Variants in PRRG2 observed in about 807,000 individuals in gnomAD.
PRRG2 encodes transmembrane gamma-carboxyglutamic acid protein 2.
Under a neutral mutation model 27.1 loss-of-function variants are expected in PRRG2, and 23 were observed. That is an observed-to-expected ratio of 0.85 (90% confidence interval 0.61 to 1.20). The LOEUF (loss-of-function observed/expected upper bound fraction) is 1.20. Among genes scored for constraint, PRRG2 ranks in the 50% most tolerant of loss-of-function variants. The pLI, the probability that PRRG2 is intolerant of heterozygous loss-of-function variation, is 0.00. For synonymous variants in PRRG2, 104 were observed against 103.4 expected, an observed-to-expected ratio of 1.01 and a Z score of -0.03; for missense variants, 276 against 254.8, an observed-to-expected ratio of 1.08 and a Z score of -0.57.
chr19:49,587,856 T>G (rs1599777679), intron 4 of PRRG2, among the ~76,000 whole-genome samples: 1 of 152,088 alleles, frequency 6.6e-6, no homozygotes, highest in East Asian at 1.9e-4. Context: ...TGACCTCAAG[T>G]GATCTGCCTG....
chr19:49,588,628 C>G lies in PRRG2; in HGVS notation c.433C>G (p.Gln145Glu), dbSNP rs1217724481. The G allele has an allele frequency of 6.5e-7, 1 of 1,534,376 alleles. No homozygotes were observed. ...RQHRGQQPCP[Q>E]EAGLISPLSP... Reference sequence around the variant, plus strand: ...GCACCGAGGCCAGCAGCCCTGTCCCCAAGAGTAAGGGGGCTTCAGCGAGGA... The same window carrying G: ...GCACCGAGGCCAGCAGCCCTGTCCCGAAGAGTAAGGGGGCTTCAGCGAGGA... The change falls in exon 5 of 7, where the codon CAA (glutamine) becomes GAA (glutamate). Residue 145 changes from glutamine (Q) to glutamate (E), a missense_variant. Transcript: ENST00000246794.
rs537504971 is a variant in PRRG2 at position 49,590,316 on chromosome 19, G to C, written c.591-55G>C. On this transcript the variant is annotated intron_variant, in intron 6 of 6. Coordinates refer to ENST00000246794, the MANE Select transcript of PRRG2 (RefSeq NM_000951.3). ...GGCGGTCGGAGTGGTCCTGGTTGAA[G>C]GGGGGAGAAAAACAGCCAGATCTTT... is the stretch of plus-strand genomic sequence containing the variant. 6.4e-4 allele frequency: 1,036 copies of C among 1,613,122 alleles called. 8 individuals are homozygous for C. In the African/African-American group the frequency reaches 0.011, roughly 17 times the overall value.
At chr19:49,582,239 T>TAA (rs760309836) in intron 1 of PRRG2, among the ~76,000 whole-genome samples, 15,374 of 74,580 alleles carry the variant, frequency 0.21, 2,011 homozygotes, top group African/African-American at 0.33. Flanking sequence ...AGACTCTGTC[T>TAA]AAAAAAAAAA....
intron 5 of PRRG2, among the ~76,000 whole-genome samples, chr19:49,588,946 G>A (rs2080693027): frequency 6.6e-6 from 1 of 151,998 alleles, no homozygotes; most frequent in African/African-American, 2.4e-5. Context: ...AGGCTGCGAC[G>A]GTGCAGCCTG....
At chr19:49,589,215 C>T (rs1209739112) in intron 5 of PRRG2, among the ~76,000 whole-genome samples, 1 of 149,818 alleles carries the variant, frequency 6.7e-6, no homozygotes, top group Non-Finnish European at 1.5e-5. Context: ...GCAACCTCTG[C>T]CTCCCGGGTT....
In PRRG2 at chr19:49,590,286, C is replaced by G. The variant is rs576827504; in HGVS notation, c.591-85C>G. ...AGAGGGTCCTGGATTGGCTGAGACGCCAAGGGCGGTCGGAGTGGTCCTGGT... is the reference window on the plus strand; with the variant it reads ...AGAGGGTCCTGGATTGGCTGAGACGGCAAGGGCGGTCGGAGTGGTCCTGGT... On this transcript the variant is annotated intron_variant, in intron 6 of 6. Coordinates refer to ENST00000246794, the MANE Select transcript of PRRG2 (RefSeq NM_000951.3). 3.5e-3 allele frequency: 5,648 copies of G among 1,598,514 alleles called. 18 individuals carry two copies. The highest frequency in any genetic ancestry group is 5.8e-3 in the Middle Eastern group (35 of 6,030).
At chr19:49,587,533 TG>T (rs1599777460) in intron 4 of PRRG2, among the ~76,000 whole-genome samples, 1 of 149,494 alleles carries the variant, frequency 6.7e-6, no homozygotes, top group East Asian at 1.9e-4. Flanking sequence ...TTGCCCAGGC[TG>T]GAGTGCAATA....
intron 1 of PRRG2, 45 bp from the exon 2 acceptor site, chr19:49,583,162 C>G: frequency 6.6e-7 from 1 of 1,525,514 alleles, no homozygotes; most frequent in East Asian, 2.3e-5. Context: ...TGCCTCATTA[C>G]CCAGGGACTA....
intron 5 of PRRG2, 132 bp downstream of exon 5, chr19:49,588,764 A>G: frequency 8.4e-7 from 1 of 1,183,546 alleles, no homozygotes; most frequent in Non-Finnish European, 1.1e-6. Context: ...AGTCATTTGG[A>G]GAGTGAGTCT....
intron 1 of PRRG2, 32 bp from the exon 2 acceptor site, chr19:49,583,175 G>A (rs759376173): frequency 1.3e-6 from 2 of 1,571,626 alleles, no homozygotes; most frequent in Admixed American, 3.4e-5. Flanking sequence ...AGGGACTAAG[G>A]CCCTTGTCAG....
At chr19:49,584,110 T>G (rs1599774925) in intron 4 of PRRG2, among the ~76,000 whole-genome samples, 158 bp downstream of exon 4, 1 of 151,912 alleles carries the variant, frequency 6.6e-6, no homozygotes, top group East Asian at 1.9e-4. Flanking sequence ...TTCCCTCCCT[T>G]AAGACCCCAG....
rs1158975275 is a variant in PRRG2 at position 49,590,466 on chromosome 19, A to G, written c.*77A>G. The G allele has an allele frequency of 1.9e-6, 3 of 1,590,752 alleles. No individual in the cohort carries two copies. The highest frequency in any genetic ancestry group is 2.6e-6 in the Non-Finnish European group (3 of 1,161,410). ...GATTCCGGAAGCCGCTAGGCCTCAT[A>G]GACGCCGAAGCTGGACTTGGAGTGG... On this transcript the variant is annotated 3_prime_UTR_variant, in exon 7 of 7. Transcript: ENST00000246794.
Position 49,590,591 on chromosome 19 carries a change from T to C in PRRG2, c.*202T>C, listed in dbSNP as rs775042825. On this transcript the variant is annotated 3_prime_UTR_variant, in exon 7 of 7. Coordinates refer to ENST00000246794, the MANE Select transcript of PRRG2 (RefSeq NM_000951.3). ...ACATGTTTTCGGCAACGTGTTCCCG[T>C]GTCCTGGCCCCTCACGGGCCCCCAC... The C allele has an allele frequency of 4.3e-6, 3 of 691,446 alleles. No individual in the cohort carries two copies. The highest frequency in any genetic ancestry group is 7.2e-6 in the Non-Finnish European group (3 of 414,894). 42.8% of individuals were successfully genotyped at this position (691,446 alleles called of 1,614,324 possible).
At position 49,590,045 on chromosome 19, in the gene PRRG2, T is replaced by C. The variant is rs967342926; in HGVS notation, c.583T>C (p.Tyr195His). The change falls in exon 6 of 7, where the codon TAC becomes CAC. Residue 195 changes from tyrosine (Y) to histidine (H), a missense_variant. Physicochemically the swap from Tyr to His is moderately conservative, Grantham distance 83 (BLOSUM62 2). Transcript: ENST00000246794. The stretch of plus-strand genomic sequence containing the variant: ...GGTACACGACGCACCTCCACCCCCC[T>C]ACACCAGGTATGGGGCGTGGCTTCT... ...SGVHDAPPPP[Y>H]TSLRRPH 2.5e-5 allele frequency: 35 copies of C among 1,389,974 alleles called. No homozygotes were observed. Among genetic ancestry groups the C allele is most frequent in the Non-Finnish European group, 3.0e-5 (32 of 1,057,016 alleles). 86.1% of individuals were successfully genotyped at this position (1,389,974 alleles called of 1,614,324 possible). A position where few individuals can be genotyped will look rare whatever the true frequency, so the allele number is the denominator to read the frequency against.
At chr19:49,581,897 A>G (rs1394612382) in intron 1 of PRRG2, among the ~76,000 whole-genome samples, 1 of 152,062 alleles carries the variant, frequency 6.6e-6, no homozygotes. Context: ...TCGGCAAGCT[A>G]TATTACCTCT....
chr19:49,590,771 C>T lies in PRRG2; in HGVS notation c.*382C>T. On this transcript the variant is annotated 3_prime_UTR_variant, in exon 7 of 7. Transcript: ENST00000246794. ...CCTCCAGTGCCACAGGGTACGCACA[C>T]GCAGAGCCCCGCCTGTGCACACGCG... 3.4e-6 allele frequency: 1 copy of T among 293,118 alleles called. No homozygotes were observed. The highest frequency in any genetic ancestry group is 6.6e-6 in the Non-Finnish European group (1 of 151,938). 18.2% of individuals were successfully genotyped at this position (293,118 alleles called of 1,614,324 possible). A position where few individuals can be genotyped will look rare whatever the true frequency, so the allele number is the denominator to read the frequency against.
chr19:49,589,593 C>T (rs2080699177), intron 5 of PRRG2, among the ~76,000 whole-genome samples: 1 of 151,752 alleles, frequency 6.6e-6, no homozygotes, highest in East Asian at 1.9e-4. Context: ...GCCATGCACC[C>T]GGCAGGGCTG....
At chr19:49,589,527 G>A (rs1170102904) in intron 5 of PRRG2, among the ~76,000 whole-genome samples, 4 of 151,136 alleles carry the variant, frequency 2.6e-5, no homozygotes, top group Non-Finnish European at 5.9e-5. Context: ...TCAATTTCCT[G>A]GGCTCAAGAA....
rs554341875 is a variant in PRRG2 at position 49,588,991 on chromosome 19, T to A, written c.437+359T>A. ...GGTGTCTGTGGTATGTCAGTTTCAG[T>A]GGTAACAGGTGCAGCACCTGAGTGG... On this transcript the variant is annotated intron_variant, in intron 5 of 6. Transcript: ENST00000246794. Among the ~76,000 whole-genome samples, 6 of 152,116 alleles carry A rather than the reference T, an allele frequency of 3.9e-5. No homozygotes were observed. In the East Asian group the frequency reaches 1.2e-3, roughly 29 times the overall value.
Sources: allele counts gnomAD v4.1 joint callset (sites outside exome capture counted in the v4.1 genomes callset), GRCh38; gene constraint gnomAD v4.1.1; transcripts MANE v1.5; gene names NCBI Gene and HGNC (gene_info 2026-07-23, HGNC 2026-07-21).